The following PTPRK variants were observed in gnomAD, a reference collection of about 807,000 sequenced individuals.
PTPRK encodes protein tyrosine phosphatase receptor type K, also known as receptor-type tyrosine-protein phosphatase kappa.
PTPRK carries 75 observed loss-of-function variants against 178.0 expected under a neutral mutation model. That is an observed-to-expected ratio of 0.42 (90% CI 0.35 to 0.51). PTPRK has a LOEUF of 0.51. Among genes scored for constraint, PTPRK ranks in the 20% least tolerant of loss-of-function variants. The probability of loss-of-function intolerance (pLI) is 0.02; values close to 1 mark genes in which losing one functional copy is unlikely to be tolerated. For missense variants in PTPRK, 1,441 were observed against 1,797.8 expected, an observed-to-expected ratio of 0.80 and a Z score of 3.59; for synonymous variants, 637 against 620.6, an observed-to-expected ratio of 1.03 and a Z score of -0.39.
intron 14 of PTPRK, among the ~76,000 whole-genome samples, chr6:128,008,811 T>C (rs1778727576): frequency 6.6e-6 from 1 of 151,178 alleles, no homozygotes; most frequent in Admixed American, 6.6e-5. Flanking sequence ...ATCCATATTT[T>C]GCCATTGTTA....
chr6:128,086,348 C>T (rs1458886938), intron 8 of PTPRK, among the ~76,000 whole-genome samples: 1 of 151,582 alleles, frequency 6.6e-6, no homozygotes, highest in East Asian at 1.9e-4. Context: ...GCTGAGCTAA[C>T]TTTATAATAT....
chr6:128,243,844 G>A lies in PTPRK; in HGVS notation c.496-1242C>T, dbSNP rs368108738. 3.9e-5 allele frequency among the ~76,000 whole-genome samples: 6 copies of A among 152,302 alleles called. No homozygotes were observed. The East Asian group carries it at 1.2e-3, about 29-fold the overall frequency. ...TGCAAAGCATTTTTTAAAATGTAAT[G>A]AAAGTTGATGTTTAAAGTAAGAATA... On this transcript the variant is annotated intron_variant, in intron 3 of 29. Coordinates refer to ENST00000368226, the MANE Select transcript of PTPRK (RefSeq NM_002844.4).
chr6:128,015,611 A>T (rs2114740034), intron 13 of PTPRK, among the ~76,000 whole-genome samples: 1 of 151,898 alleles, frequency 6.6e-6, no homozygotes, highest in South Asian at 2.1e-4. Flanking sequence ...TCAAGAGGAA[A>T]AGGCAAAAGT....
chr6:128,443,855 TTTTTC>T (rs966539906), intron 1 of PTPRK, among the ~76,000 whole-genome samples: 1 of 152,180 alleles, frequency 6.6e-6, no homozygotes, highest in African/African-American at 2.4e-5. Context: ...ACCAGATTTT[TTTTTC>T]TTTTGTTTTT....
intron 7 of PTPRK, among the ~76,000 whole-genome samples, chr6:128,102,711 A>G (rs927060356): frequency 6.6e-6 from 1 of 152,178 alleles, no homozygotes. Context: ...AGACTCATGT[A>G]TTCAATTACC....
At chr6:128,179,372 C>G (rs1247967058) in intron 7 of PTPRK, among the ~76,000 whole-genome samples, 1 of 151,924 alleles carries the variant, frequency 6.6e-6, no homozygotes, top group African/African-American at 2.4e-5. Context: ...TTATTACTCA[C>G]AAAAAGGAAA....
intron 2 of PTPRK, among the ~76,000 whole-genome samples, chr6:128,356,712 A>C (rs1241193991): frequency 2.0e-5 from 3 of 152,092 alleles, no homozygotes; most frequent in African/African-American, 7.2e-5. Context: ...TTCACACCCC[A>C]TGGCTTCACC....
intron 3 of PTPRK, among the ~76,000 whole-genome samples, chr6:128,250,034 T>C (rs1456613776): frequency 1.3e-5 from 2 of 152,196 alleles, no homozygotes; most frequent in African/African-American, 4.8e-5. Context: ...CGAGATCTGA[T>C]GGTTTTCAGG....
At chr6:128,321,974 T>C in intron 3 of PTPRK, 65 bp downstream of exon 3, 1 of 1,597,400 alleles carries the variant, frequency 6.3e-7, no homozygotes, top group Non-Finnish European at 8.6e-7. Context: ...TTTACATCTA[T>C]GTATTACACA....
chr6:128,361,820 T>C (rs1473137580), intron 2 of PTPRK, among the ~76,000 whole-genome samples: 1 of 152,156 alleles, frequency 6.6e-6, no homozygotes, highest in Non-Finnish European at 1.5e-5. Context: ...ATGACTACAT[T>C]TAAATAATAA....
At chr6:128,005,934 C>A in intron 14 of PTPRK, 2 of 1,007,434 alleles carry the variant, frequency 2.0e-6, no homozygotes, top group South Asian at 4.7e-5. Flanking sequence ...TTTGAAATGT[C>A]ACCAAAATTG....
intron 25 of PTPRK, among the ~76,000 whole-genome samples, chr6:127,978,192 T>C (rs1177877143): frequency 6.6e-6 from 1 of 152,164 alleles, no homozygotes; most frequent in Non-Finnish European, 1.5e-5. Flanking sequence ...CTGGGATGAG[T>C]GTCTCCTAAG....
chr6:128,259,717 T>C (rs977833502), intron 3 of PTPRK, among the ~76,000 whole-genome samples: 2 of 152,198 alleles, frequency 1.3e-5, no homozygotes, highest in African/African-American at 4.8e-5. Flanking sequence ...TTTTCATTCT[T>C]TTATGTGAAA....
In PTPRK at chr6:128,519,943, G is replaced by C. The variant is rs1169597968; in HGVS notation, c.100+316C>G. 6.6e-6 allele frequency among the ~76,000 whole-genome samples: 1 copy of C among 152,186 alleles called. No homozygotes were observed. Among genetic ancestry groups the C allele is most frequent in the South Asian group, 2.1e-4 (1 of 4,830 alleles). On this transcript the variant is annotated intron_variant, in intron 1 of 29. Coordinates refer to ENST00000368226, the MANE Select transcript of PTPRK (RefSeq NM_002844.4). This position sits in a 1 kb window ranked among gnomAD's most constrained non-coding sequence, Gnocchi z 4.3. Reference sequence around the variant, plus strand: ...GCAACAGAGTGCCGTCACGGGAGTCGTAACTACTTTTTCTTTCTCTCTTCC... The same window carrying C: ...GCAACAGAGTGCCGTCACGGGAGTCCTAACTACTTTTTCTTTCTCTCTTCC...
intron 7 of PTPRK, among the ~76,000 whole-genome samples, chr6:128,162,426 G>A (rs1798832733): frequency 6.6e-6 from 1 of 151,690 alleles, no homozygotes; most frequent in Non-Finnish European, 1.5e-5. Flanking sequence ...ATGTCTGCAT[G>A]TGTTGGGAAA....
At chr6:128,505,424 A>C (rs1031064108) in intron 1 of PTPRK, among the ~76,000 whole-genome samples, 7 of 151,946 alleles carry the variant, frequency 4.6e-5, no homozygotes, top group African/African-American at 1.7e-4. Flanking sequence ...CTGGGCAACA[A>C]GAGCGAAACT....
intron 2 of PTPRK, among the ~76,000 whole-genome samples, chr6:128,349,011 C>G (rs1015178422): frequency 1.3e-5 from 2 of 151,934 alleles, no homozygotes; most frequent in African/African-American, 4.8e-5. Flanking sequence ...ACTATACTTG[C>G]CCTCCCTTAT....
chr6:128,465,238 A>G (rs1849693449), intron 1 of PTPRK, among the ~76,000 whole-genome samples: 2 of 152,194 alleles, frequency 1.3e-5, no homozygotes, highest in African/African-American at 4.8e-5. Flanking sequence ...GAAAATTTTA[A>G]AAGATCATGA....
chr6:128,022,478 C>A lies in PTPRK; in HGVS notation c.2195-13210G>T, dbSNP rs1582554533. 2.0e-5 allele frequency among the ~76,000 whole-genome samples: 3 copies of A among 152,152 alleles called. No homozygotes were observed. The East Asian group carries it at 5.8e-4, about 29-fold the overall frequency. ...GTATATTTACTTTTTCGATTATTTT[C>A]AAATCCACTGAATCCAAGTGGTTCA... On this transcript the variant is annotated intron_variant, in intron 13 of 29. Transcript: ENST00000368226.
Sources: gnomAD v4.1 joint callset for allele counts (sites outside exome capture counted in the v4.1 genomes callset) on GRCh38, gnomAD v4.1.1 for gene constraint, Gnocchi (gnomAD v3.1) non-coding constraint, MANE v1.5 for transcripts, NCBI Gene and HGNC (gene_info 2026-07-23, HGNC 2026-07-21) for gene names.